ROR2: variants seen among roughly 807,000 people sequenced by gnomAD.
ROR2 encodes the protein ROR family WNT receptor 2, also known as tyrosine-protein kinase transmembrane receptor ROR2.
ROR2 carries 33 observed loss-of-function variants against 74.9 expected under a neutral mutation model. The ratio of observed to expected loss-of-function variants is 0.44; its 90% confidence interval spans 0.33 to 0.59. ROR2 has a LOEUF of 0.59. ROR2 is among the 20% of genes least tolerant of loss of function. The pLI is 0.02. For missense variants in ROR2, 1,216 were observed against 1,313.8 expected (o/e 0.93, Z 1.15); for synonymous variants, 586 against 558.7 (o/e 1.05, Z -0.69).
chr9:91,818,201 C>A (rs760622617), intron 1 of ROR2, among the ~76,000 whole-genome samples: 6 of 152,134 alleles, frequency 3.9e-5, no homozygotes, highest in African/African-American at 1.4e-4. Flanking sequence ...ACATGCCTGG[C>A]GATCAAATCC....
At chr9:91,823,777 A>G (rs746271794) in intron 1 of ROR2, among the ~76,000 whole-genome samples, 1 of 152,248 alleles carries the variant, frequency 6.6e-6, no homozygotes, top group East Asian at 1.9e-4. Context: ...GGAGGCCCAC[A>G]TTCCCAAGGT....
chr9:91,869,594 T>C (rs1432207111), intron 1 of ROR2, among the ~76,000 whole-genome samples: 1 of 152,182 alleles, frequency 6.6e-6, no homozygotes, highest in African/African-American at 2.4e-5. Flanking sequence ...ATGATTCCAC[T>C]ATTGACATTC....
At chr9:91,844,326 C>T (rs1430135672) in intron 1 of ROR2, among the ~76,000 whole-genome samples, 2 of 151,996 alleles carry the variant, frequency 1.3e-5, no homozygotes, top group African/African-American at 2.4e-5. Flanking sequence ...CTCCTCTGGG[C>T]CGGCACACAA....
Position 91,733,432 on chromosome 9 carries a change from G to T in ROR2, c.627C>A (p.Ala209=). ...QGEIENRITA[A]FTMIGTSTHL... is the part of the protein sequence containing the mutation. ...GCGTAGACGTGCCGATCATGGTGAA[G>T]GCCGCTGCAGAGCCCGCGAGACTCG... Residue 209 remains alanine (A), a synonymous_variant, in exon 6 of 9, where the codon GCC becomes GCA. Transcript: ENST00000375708. The surrounding 1 kb of genome is among the most constrained non-coding windows in gnomAD (Gnocchi z 5.7). 6.2e-7 allele frequency: 1 copy of T among 1,610,428 alleles called. No homozygotes were observed.
At chr9:91,922,949 C>T (rs1375047118) in intron 1 of ROR2, among the ~76,000 whole-genome samples, 1 of 151,976 alleles carries the variant, frequency 6.6e-6, no homozygotes. Flanking sequence ...CTCCAACAGA[C>T]TCACTCTGCC....
chr9:91,921,463 G>A (rs1226630753), intron 1 of ROR2, among the ~76,000 whole-genome samples: 1 of 152,220 alleles, frequency 6.6e-6, no homozygotes, highest in South Asian at 2.1e-4. Context: ...GGCAAAAGAG[G>A]ACACTTTTCA....
chr9:91,860,529 G>A (rs770367857), intron 1 of ROR2, among the ~76,000 whole-genome samples: 1 of 152,216 alleles, frequency 6.6e-6, no homozygotes, highest in Non-Finnish European at 1.5e-5. Context: ...GATCATGGAG[G>A]CTGAAAGACC....
intron 1 of ROR2, among the ~76,000 whole-genome samples, chr9:91,840,344 G>GA (rs1252128533): frequency 6.6e-6 from 1 of 152,134 alleles, no homozygotes; most frequent in Admixed American, 6.5e-5. Context: ...GCAGTGCACT[G>GA]AAAACCCAGA....
At chr9:91,740,799 C>T (rs992608351) in intron 4 of ROR2, among the ~76,000 whole-genome samples, 9 of 151,966 alleles carry the variant, frequency 5.9e-5, no homozygotes, top group Admixed American at 2.6e-4. Flanking sequence ...AGGACTGAAA[C>T]GGAATTTGGC....
Position 91,725,095 on chromosome 9 carries a change from C to CT in ROR2, c.1398dup (p.Glu467ArgfsTer58). The stretch of plus-strand genomic sequence containing the variant: ...AACCTCACCGCAGACAGGCTGATCT[C>CT]TTTGAGTTTGGCCTGTCAAGAAGAA... On this transcript the variant is annotated frameshift_variant, in exon 9 of 9. Transcript: ENST00000375708. LOFTEE classifies it low-confidence loss of function (END_TRUNC). 1 of 1,613,944 alleles carries CT rather than the reference C, an allele frequency of 6.2e-7. No individual in the cohort carries two copies. Among genetic ancestry groups the CT allele is most frequent in the Non-Finnish European group, 8.5e-7 (1 of 1,180,040 alleles).
chr9:91,807,124 C>T (rs191526539), intron 1 of ROR2, among the ~76,000 whole-genome samples: 1 of 152,308 alleles, frequency 6.6e-6, no homozygotes, highest in East Asian at 1.9e-4. Flanking sequence ...CATAGAGAGG[C>T]CAGGAAGAAT....
chr9:91,867,612 T>C (rs1829670408), intron 1 of ROR2, among the ~76,000 whole-genome samples: 1 of 151,584 alleles, frequency 6.6e-6, no homozygotes, highest in Admixed American at 6.6e-5. Flanking sequence ...CTCAGAAAAG[T>C]GACCCTTTAA....
At chr9:91,899,627 A>C (rs935726942) in intron 1 of ROR2, among the ~76,000 whole-genome samples, 1 of 152,078 alleles carries the variant, frequency 6.6e-6, no homozygotes, top group Admixed American at 6.5e-5. Flanking sequence ...CTCCGTCCCC[A>C]AGGAGAAAGA....
chr9:91,849,475 C>T (rs1004735190), intron 1 of ROR2, among the ~76,000 whole-genome samples: 1 of 152,218 alleles, frequency 6.6e-6, no homozygotes, highest in African/African-American at 2.4e-5. Context: ...CTAGAAAGAA[C>T]CCTGGGCTCT....
chr9:91,740,677 GCTTT>G (rs1476099361), intron 4 of ROR2, among the ~76,000 whole-genome samples: 7 of 151,820 alleles, frequency 4.6e-5, no homozygotes, highest in Non-Finnish European at 1.0e-4. Context: ...TATGGGAGTT[GCTTT>G]CTATTTTCCA....
At chr9:91,841,630 TCAG>T (rs1452950809) in intron 1 of ROR2, among the ~76,000 whole-genome samples, 3 of 152,270 alleles carry the variant, frequency 2.0e-5, no homozygotes, top group African/African-American at 7.2e-5. Context: ...AAGCTGGTGC[TCAG>T]CAGTACAGCC....
chr9:91,876,186 A>G (rs1300966337), intron 1 of ROR2, among the ~76,000 whole-genome samples: 1 of 152,170 alleles, frequency 6.6e-6, no homozygotes, highest in Non-Finnish European at 1.5e-5. Context: ...CAGCTTGGCC[A>G]ACATGGTAAA....
intron 1 of ROR2, among the ~76,000 whole-genome samples, chr9:91,819,393 G>A (rs1049350017): frequency 2.0e-5 from 3 of 152,214 alleles, no homozygotes; most frequent in Non-Finnish European, 2.9e-5. Flanking sequence ...GACGATGCAC[G>A]TGTCTACGTG....
chr9:91,805,527 C>G (rs1280925417), intron 1 of ROR2, among the ~76,000 whole-genome samples: 2 of 152,160 alleles, frequency 1.3e-5, no homozygotes, highest in Admixed American at 6.5e-5. Flanking sequence ...GGCTGCTCCC[C>G]CTAGCCGGAG....
Sources: gnomAD v4.1 joint callset for allele counts (sites outside exome capture counted in the v4.1 genomes callset) on GRCh38, gnomAD v4.1.1 for gene constraint, Gnocchi (gnomAD v3.1) non-coding constraint, MANE v1.5 for transcripts, NCBI Gene and HGNC (gene_info 2026-07-23, HGNC 2026-07-21) for gene names.